PCDHGA5: variants seen among roughly 807,000 people sequenced by gnomAD.
PCDHGA5 encodes the protein protocadherin gamma subfamily A, 5.
Under a neutral mutation model 56.7 loss-of-function variants are expected in PCDHGA5, and 36 were observed. The observed-to-expected ratio is 0.64, with a 90% CI of 0.49 to 0.84. The LOEUF (loss-of-function observed/expected upper bound fraction) is 0.84. PCDHGA5 is among the 40% of genes least tolerant of loss of function. PCDHGA5 has a pLI of 0.00. For missense variants in PCDHGA5, 1,305 were observed against 1,201.5 expected (o/e 1.09, Z -1.27); for synonymous variants, 563 against 520.2 (o/e 1.08, Z -1.12).
At chr5:141,422,446 A>G in intron 1 of PCDHGA5, 1 of 1,610,700 alleles carries the variant, frequency 6.2e-7, no homozygotes, top group South Asian at 1.1e-5. Context: ...CAAATTGATA[A>G]CAAGCAGAGT....
rs756549446 is a variant in PCDHGA5 at position 141,477,301 on chromosome 5, C to G, written c.2422-17506C>G. 32 of 1,614,042 alleles carry G rather than the reference C, an allele frequency of 2.0e-5. 2 individuals carry two copies. In the South Asian group the frequency reaches 3.4e-4, roughly 17 times the overall value. On this transcript the variant is annotated intron_variant, in intron 1 of 3. Coordinates refer to ENST00000518069, the MANE Select transcript of PCDHGA5 (RefSeq NM_018918.3). The surrounding 1 kb of genome is among the most constrained non-coding windows in gnomAD (Gnocchi z 4.9). The stretch of plus-strand genomic sequence containing the variant: ...TGACCTGCGAAGTTCCACCGGGTCT[C>G]CCTTTCAGCCTTACTTCTTCCCTCA...
In PCDHGA5 at chr5:141,372,730, ATCT is replaced by A. The variant is rs751345248; in HGVS notation, c.2421+5983_2421+5985del. On this transcript the variant is annotated intron_variant, in intron 1 of 3. Transcript: ENST00000518069. ...AAGGCTGAAAATGCTGCACCACAAG[ATCT>A]TCTATGTGATGAAGCCTCTTGGTTT... 33 of 1,613,530 alleles carry A rather than the reference ATCT, an allele frequency of 2.0e-5. No homozygotes were observed. In the East Asian group the frequency reaches 7.1e-4, roughly 35 times the overall value.
chr5:141,399,431 T>C (rs757950073), intron 1 of PCDHGA5: 1 of 1,613,970 alleles, frequency 6.2e-7, no homozygotes, highest in Non-Finnish European at 8.5e-7. Flanking sequence ...ATAAGCGTCA[T>C]CCTACATATC....
chr5:141,390,332 A>T, intron 1 of PCDHGA5: 1 of 1,600,116 alleles, frequency 6.2e-7, no homozygotes, highest in Non-Finnish European at 8.5e-7. Flanking sequence ...CCATTTCTCC[A>T]TATTCACAAG....
At chr5:141,409,168 G>T in intron 1 of PCDHGA5, 1 of 1,614,032 alleles carries the variant, frequency 6.2e-7, no homozygotes, top group Non-Finnish European at 8.5e-7. Flanking sequence ...TGGAAGCGAA[G>T]GACGGAGGTG....
Position 141,476,085 on chromosome 5 carries a change from G to C in PCDHGA5, c.2422-18722G>C, listed in dbSNP as rs1163057402. On this transcript the variant is annotated intron_variant, in intron 1 of 3. Coordinates refer to ENST00000518069, the MANE Select transcript of PCDHGA5 (RefSeq NM_018918.3). This position sits in a 1 kb window ranked among gnomAD's most constrained non-coding sequence, Gnocchi z 7.6. ...TCAGCGAAATCTCAGGGACGATCTG[G>C]ACCCCGCTGAGAGGAACTGCTTTTG... 1.3e-6 allele frequency: 2 copies of C among 1,551,682 alleles called. No individual in the cohort carries two copies. Among genetic ancestry groups the C allele is most frequent in the East Asian group, 2.3e-5 (1 of 44,392 alleles).
intron 1 of PCDHGA5, among the ~76,000 whole-genome samples, chr5:141,465,687 T>C (rs1290838979): frequency 1.3e-5 from 2 of 152,248 alleles, no homozygotes; most frequent in Non-Finnish European, 2.9e-5. Flanking sequence ...TTGACCAGTC[T>C]GCTTTTGCAT....
At position 141,409,359 on chromosome 5, in the gene PCDHGA5, T is replaced by C. The variant is rs371907890; in HGVS notation, c.2421+42608T>C. ...GGAAATGGAGAAGTCAGGTGTAATA[T>C]AGAAACAGACATTCCATTCAAGATT... On this transcript the variant is annotated intron_variant, in intron 1 of 3. Coordinates refer to ENST00000518069, the MANE Select transcript of PCDHGA5 (RefSeq NM_018918.3). 6.8e-6 allele frequency: 11 copies of C among 1,614,026 alleles called. No individual in the cohort carries two copies. The highest frequency in any genetic ancestry group is 8.5e-6 in the Non-Finnish European group (10 of 1,179,908).
chr5:141,511,140 C>T lies in PCDHGA5; in HGVS notation c.2763C>T (p.Asn921=). Reference sequence around the variant, plus strand: ...AGGCCCCAGCAGGTGGCAATGGCAACAAGAAGAAGTCGGGCAAGAAGGAGA... The same window carrying T: ...AGGCCCCAGCAGGTGGCAATGGCAATAAGAAGAAGTCGGGCAAGAAGGAGA... ...DGKAPAGGNG[N]KKKSGKKEKK is the part of the protein sequence containing the mutation. Residue 921 remains asparagine (N), a synonymous_variant, in exon 4 of 4, where the codon AAC becomes AAT. Transcript: ENST00000518069. The T allele has an allele frequency of 1.2e-6, 2 of 1,614,186 alleles. No homozygotes were observed. The highest frequency in any genetic ancestry group is 1.3e-5 in the African/African-American group (1 of 75,050).
At chr5:141,408,578 G>A (rs775312574) in intron 1 of PCDHGA5, 3 of 1,613,928 alleles carry the variant, frequency 1.9e-6, no homozygotes, top group African/African-American at 1.3e-5. Flanking sequence ...GATTGAGGAT[G>A]TTAATGACCA....
Position 141,487,501 on chromosome 5 carries a change from T to A in PCDHGA5, c.2422-7306T>A. 1 of 1,614,232 alleles carries A rather than the reference T, an allele frequency of 6.2e-7. No individual in the cohort carries two copies. Among genetic ancestry groups the A allele is most frequent in the Non-Finnish European group, 8.5e-7 (1 of 1,180,036 alleles). On this transcript the variant is annotated intron_variant, in intron 1 of 3. Transcript: ENST00000518069. This position sits in a 1 kb window ranked among gnomAD's most constrained non-coding sequence, Gnocchi z 5.0. ...ACTCTCATGGCTGTACACCCTTGGC[T>A]TCTGCACCCACTCGGAGTGATAGCT...
At chr5:141,428,613 CAAGAT>C (rs1385471747) in intron 1 of PCDHGA5, 1 of 212,608 alleles carries the variant, frequency 4.7e-6, no homozygotes, top group African/African-American at 2.3e-5. Flanking sequence ...AAGAGAATAA[CAAGAT>C]AAGCTCTAAC....
In PCDHGA5 at chr5:141,366,385, G is replaced by A; in HGVS notation, c.2055G>A (p.Glu685=). The part of the protein sequence containing the change: ...LGSIKTPIDP[E]DLDLTLYLVV... The stretch of plus-strand genomic sequence containing the variant: ...GTATCAAGACCCCCATTGACCCTGA[G>A]GATCTGGACCTCACACTCTATCTTG... Residue 685 remains glutamate, a synonymous_variant, in exon 1 of 4, where the codon GAG becomes GAA. Transcript: ENST00000518069. 3.1e-6 allele frequency: 5 copies of A among 1,614,150 alleles called. No individual in the cohort carries two copies. Among genetic ancestry groups the A allele is most frequent in the Non-Finnish European group, 4.2e-6 (5 of 1,180,052 alleles).
At chr5:141,423,619 T>C (rs1389600826) in intron 1 of PCDHGA5, 1 of 1,608,090 alleles carries the variant, frequency 6.2e-7, no homozygotes. Context: ...AGCTGAAGAC[T>C]CAGCTATCAT....
intron 1 of PCDHGA5, among the ~76,000 whole-genome samples, chr5:141,460,981 G>A (rs35435563): frequency 1.6e-4 from 20 of 121,900 alleles, no homozygotes; most frequent in African/African-American, 3.7e-4. Context: ...GTGTGTGTGT[G>A]TGTATATATA....
intron 1 of PCDHGA5, chr5:141,403,779 A>G: frequency 6.2e-7 from 1 of 1,613,970 alleles, no homozygotes; most frequent in Non-Finnish European, 8.5e-7. Context: ...ATCAACGGAA[A>G]AGTGGCATAC....
At chr5:141,406,044 G>A (rs1473314165) in intron 1 of PCDHGA5, among the ~76,000 whole-genome samples, 1 of 151,228 alleles carries the variant, frequency 6.6e-6, no homozygotes, top group Non-Finnish European at 1.5e-5. Flanking sequence ...ATTGGTTGCA[G>A]TGGACTCATA....
In PCDHGA5 at chr5:141,415,715, T is replaced by G. The variant is rs1051923200; in HGVS notation, c.2421+48964T>G. 4 of 1,428,132 alleles carry G rather than the reference T, an allele frequency of 2.8e-6. No individual in the cohort carries two copies. In the African/African-American group the frequency reaches 4.5e-5, roughly 16 times the overall value. The allele number at this position is 1,428,132 out of a possible 1,614,324, so 88.5% of individuals were successfully genotyped here. Reference sequence around the variant, plus strand: ...GAAAGTGTAAATGCTAAAACACTGATGAGTAGAATTTGATGTTTATTAAGG... The same window carrying G: ...GAAAGTGTAAATGCTAAAACACTGAGGAGTAGAATTTGATGTTTATTAAGG... On this transcript the variant is annotated intron_variant, in intron 1 of 3. Transcript: ENST00000518069.
intron 1 of PCDHGA5, chr5:141,423,755 G>T (rs1236551808): frequency 9.8e-6 from 5 of 512,508 alleles, no homozygotes; most frequent in Non-Finnish European, 1.3e-5. Flanking sequence ...CTGTTTGGGG[G>T]GGGGGTGGGG....
Sources: allele counts gnomAD v4.1 joint callset (sites outside exome capture counted in the v4.1 genomes callset), GRCh38; gene constraint gnomAD v4.1.1; non-coding constraint Gnocchi (gnomAD v3.1); transcripts MANE v1.5; gene names NCBI Gene and HGNC (gene_info 2026-07-23, HGNC 2026-07-21).